Variants in UBE2V2 observed in about 807,000 individuals in gnomAD.
The protein encoded by UBE2V2 is ubiquitin conjugating enzyme E2 V2, also known as ubiquitin-conjugating enzyme E2 variant 2.
In UBE2V2, 9 loss-of-function variants were observed where a neutral mutation model predicts 17.2. That is an observed-to-expected ratio of 0.52 (90% confidence interval 0.32 to 0.91). The LOEUF is 0.91. Among genes scored for constraint, UBE2V2 ranks in the 40% least tolerant of loss-of-function variants. The probability of loss-of-function intolerance (pLI) is 0.04; values close to 1 mark genes in which losing one functional copy is unlikely to be tolerated. For synonymous variants in UBE2V2, 61 were observed against 57.5 expected, an observed-to-expected ratio of 1.06 and a Z score of -0.28; for missense variants, 133 against 182.6, an observed-to-expected ratio of 0.73 and a Z score of 1.56.
At chr8:48,014,460 A>G (rs1263338060) in intron 1 of UBE2V2, among the ~76,000 whole-genome samples, 1 of 151,612 alleles carries the variant, frequency 6.6e-6, no homozygotes, top group Non-Finnish European at 1.5e-5. Flanking sequence ...CCTGGCTAAC[A>G]CAGTGAAACC....
At chr8:48,009,427 G>A (rs763679612) in intron 1 of UBE2V2, among the ~76,000 whole-genome samples, 4 of 151,778 alleles carry the variant, frequency 2.6e-5, no homozygotes, top group Non-Finnish European at 2.9e-5. Flanking sequence ...CACCAGGCCC[G>A]GCTAATTTTT....
rs1167245974 is a variant in UBE2V2, at chr8:48,064,041, A to C, written c.*3213A>C. On this transcript the variant is annotated 3_prime_UTR_variant, in exon 4 of 4. Transcript: ENST00000523111. The stretch of plus-strand genomic sequence containing the variant: ...ATGCATCATGGAAAGACAGCAGGGA[A>C]CTGTAGCCTGCCATCAAAACTGTAT... 2 of 152,182 alleles carry C rather than the reference A, an allele frequency of 1.3e-5. No individual in the cohort carries two copies. The highest frequency in any genetic ancestry group is 2.4e-5 in the African/African-American group (1 of 41,440). The allele number at this position is 152,182 out of a possible 1,614,324, so 9.4% of individuals were successfully genotyped here. A position where few individuals can be genotyped will look rare whatever the true frequency, so the allele number is the denominator to read the frequency against.
intron 1 of UBE2V2, among the ~76,000 whole-genome samples, chr8:48,022,690 G>A (rs2154507041): frequency 6.6e-6 from 1 of 152,134 alleles, no homozygotes; most frequent in South Asian, 2.1e-4. Flanking sequence ...CAGGTCTTGT[G>A]GTGATAAACT....
chr8:48,030,423 A>G (rs930779009), intron 1 of UBE2V2, among the ~76,000 whole-genome samples: 1 of 152,220 alleles, frequency 6.6e-6, no homozygotes, highest in Non-Finnish European at 1.5e-5. Flanking sequence ...GGACTCAAGT[A>G]AAACCTAGCT....
rs138838050 is a variant in UBE2V2 at position 48,059,447 on chromosome 8, C to T, written c.292-1235C>T. On this transcript the variant is annotated intron_variant, in intron 3 of 3. Transcript: ENST00000523111. ...TTTTGGAGACAGAGTCTCAGTCTGT[C>T]GCCCAGGCTGGAGTGCAATGGCGTG... Among the ~76,000 whole-genome samples the T allele has an allele frequency of 2.9e-4, 44 of 151,628 alleles. No homozygotes were observed. The East Asian group carries it at 6.4e-3, about 22-fold the overall frequency.
At chr8:48,031,530 C>T (rs1009451264) in intron 1 of UBE2V2, among the ~76,000 whole-genome samples, 1 of 152,098 alleles carries the variant, frequency 6.6e-6, no homozygotes, top group African/African-American at 2.4e-5. Flanking sequence ...TTAATTTCTC[C>T]TGTATGTAAT....
At position 48,027,916 on chromosome 8, in the gene UBE2V2, C is replaced by T. The variant is rs553120143; in HGVS notation, c.17-15117C>T. ...TCGCCCAGGCTGGAGTGCAATGGCG[C>T]GGTCTTGGCTCACTGCAACCTCTGC... On this transcript the variant is annotated intron_variant, in intron 1 of 3. Transcript: ENST00000523111. Among the ~76,000 whole-genome samples, 538 of 152,104 alleles carry T rather than the reference C, an allele frequency of 3.5e-3. 6 individuals carry two copies. The highest frequency in any genetic ancestry group is 0.012 in the African/African-American group (508 of 41,486).
chr8:48,025,548 G>C (rs190281126), intron 1 of UBE2V2, among the ~76,000 whole-genome samples: 1 of 151,828 alleles, frequency 6.6e-6, no homozygotes, highest in Admixed American at 6.6e-5. Context: ...AAAGTGTTGG[G>C]ATTATAGGCG....
intron 1 of UBE2V2, among the ~76,000 whole-genome samples, chr8:48,038,487 T>C (rs570512644): frequency 9.3e-4 from 141 of 151,996 alleles, no homozygotes; most frequent in African/African-American, 3.1e-3. Context: ...AGCTAATTTT[T>C]TTTTTTTTTG....
At chr8:48,008,137 G>A (rs910283607), upstream of UBE2V2, among the ~76,000 whole-genome samples, 52 of 152,104 alleles carry the variant, frequency 3.4e-4, no homozygotes, top group African/African-American at 1.2e-3. Flanking sequence ...GGCCAGGCTG[G>A]TTTCGAACTC....
chr8:48,013,544 C>T (rs758581060), intron 1 of UBE2V2, among the ~76,000 whole-genome samples: 2 of 152,040 alleles, frequency 1.3e-5, no homozygotes, highest in South Asian at 2.1e-4. Flanking sequence ...CTCCTGACCT[C>T]GTGATCCATC....
rs143271739 is a variant in UBE2V2 at position 48,032,387 on chromosome 8, T to C, written c.17-10646T>C. 1.2e-3 allele frequency among the ~76,000 whole-genome samples: 176 copies of C among 152,284 alleles called. 1 individual carries two copies. The highest frequency in any genetic ancestry group is 3.8e-3 in the African/African-American group (158 of 41,556). On this transcript the variant is annotated intron_variant, in intron 1 of 3. Coordinates refer to ENST00000523111, the MANE Select transcript of UBE2V2 (RefSeq NM_003350.3). ...TTTTTTTTGGTGAATTATATAAATATAGTTTTTAGTATTAAATCTATTTGT... is the reference window on the plus strand; with the variant it reads ...TTTTTTTTGGTGAATTATATAAATACAGTTTTTAGTATTAAATCTATTTGT...
chr8:48,015,983 C>A (rs987641250), intron 1 of UBE2V2, among the ~76,000 whole-genome samples: 2 of 151,430 alleles, frequency 1.3e-5, no homozygotes, highest in African/African-American at 2.4e-5. Context: ...CTGCAACCTC[C>A]ACCTCCTGGG....
intron 2 of UBE2V2, among the ~76,000 whole-genome samples, chr8:48,048,803 C>A (rs917752686): frequency 6.6e-6 from 1 of 152,034 alleles, no homozygotes; most frequent in Non-Finnish European, 1.5e-5. Flanking sequence ...TGGTTAGCTT[C>A]CTCCCTCTCT....
At chr8:48,011,860 T>A (rs1325765395) in intron 1 of UBE2V2, among the ~76,000 whole-genome samples, 3 of 152,170 alleles carry the variant, frequency 2.0e-5, no homozygotes, top group Admixed American at 2.0e-4. Flanking sequence ...CCGTATGTTA[T>A]CCAGTGTAGT....
At chr8:47,999,203 G>C in the UBE2V2 span, among the ~76,000 whole-genome samples, 1 of 152,000 alleles carries the variant, frequency 6.6e-6, no homozygotes, top group Non-Finnish European at 1.5e-5. Context: ...TTAGGGGGAG[G>C]GGTGGGCAGC....
chr8:48,015,100 G>A (rs182985469), intron 1 of UBE2V2, among the ~76,000 whole-genome samples: 1 of 151,888 alleles, frequency 6.6e-6, no homozygotes, highest in East Asian at 1.9e-4. Context: ...GCTTGAGGCT[G>A]GGTGCAGTGG....
intron 1 of UBE2V2, among the ~76,000 whole-genome samples, chr8:48,019,104 C>T (rs1206324516): frequency 6.6e-6 from 1 of 152,030 alleles, no homozygotes; most frequent in Non-Finnish European, 1.5e-5. Flanking sequence ...CGGTGGCTCA[C>T]ACCTGTAATC....
In UBE2V2 at chr8:48,061,074, C is replaced by T. The variant is rs748387896; in HGVS notation, c.*246C>T. 3.5e-4 allele frequency: 95 copies of T among 269,518 alleles called. No individual in the cohort carries two copies. Among genetic ancestry groups the T allele is most frequent in the Non-Finnish European group, 5.6e-4 (81 of 145,764 alleles). The allele number at this position is 269,518 out of a possible 1,614,324, so 16.7% of individuals were successfully genotyped here. A position where few individuals can be genotyped will look rare whatever the true frequency, so the allele number is the denominator to read the frequency against. Reference sequence around the variant, plus strand: ...GTCATTTAAACATAAACCTGGAGTACTCGAAATAGAATTCAGGTTTACAAG... The same window carrying T: ...GTCATTTAAACATAAACCTGGAGTATTCGAAATAGAATTCAGGTTTACAAG... On this transcript the variant is annotated 3_prime_UTR_variant, in exon 4 of 4. Transcript: ENST00000523111.
Sources: allele counts gnomAD v4.1 joint callset (sites outside exome capture counted in the v4.1 genomes callset), GRCh38; gene constraint gnomAD v4.1.1; transcripts MANE v1.5; gene names NCBI Gene and HGNC (gene_info 2026-07-23, HGNC 2026-07-21).